The following ADD3 variants were observed in gnomAD, a reference collection of about 807,000 sequenced individuals.
The protein encoded by ADD3 is adducin 3.
Under a neutral mutation model 80.2 loss-of-function variants are expected in ADD3, and 25 were observed. The observed-to-expected ratio is 0.31, with a 90% CI of 0.23 to 0.44. The LOEUF (loss-of-function observed/expected upper bound fraction) is 0.44, where lower values mean the gene tolerates loss of function less well. Ranked by LOEUF, ADD3 falls within the 20% of genes least tolerant of loss-of-function variation. The probability of loss-of-function intolerance (pLI) is 1.00; values close to 1 mark genes in which losing one functional copy is unlikely to be tolerated. For synonymous variants in ADD3, 284 were observed against 289.6 expected, an observed-to-expected ratio of 0.98 and a Z score of 0.20; for missense variants, 829 against 847.5, an observed-to-expected ratio of 0.98 and a Z score of 0.27.
intron 7 of ADD3, 27 bp from the exon 8 acceptor site, chr10:110,119,439 G>A (rs1389723745): frequency 1.9e-6 from 3 of 1,613,358 alleles, no homozygotes; most frequent in African/African-American, 2.7e-5. Flanking sequence ...GTTATTTCAA[G>A]TGATTGCTGT....
intron 1 of ADD3, among the ~76,000 whole-genome samples, chr10:110,020,280 A>G (rs1411962231): frequency 1.3e-5 from 2 of 152,182 alleles, no homozygotes; most frequent in African/African-American, 4.8e-5. Flanking sequence ...CTCCTGCCCT[A>G]ATGCAGTTTA....
chr10:110,024,748 A>G (rs1175335905), intron 1 of ADD3, among the ~76,000 whole-genome samples: 8 of 152,222 alleles, frequency 5.3e-5, no homozygotes, highest in African/African-American at 1.7e-4. Context: ...AGCAAGAATG[A>G]TTTTATTGGT....
chr10:110,098,101 A>T (rs1414974411), intron 1 of ADD3, among the ~76,000 whole-genome samples: 1 of 152,136 alleles, frequency 6.6e-6, no homozygotes, highest in African/African-American at 2.4e-5. Context: ...TGACCTTGAC[A>T]TGATTGAAGA....
At chr10:110,110,510 G>T (rs1849882407) in intron 2 of ADD3, among the ~76,000 whole-genome samples, 1 of 152,104 alleles carries the variant, frequency 6.6e-6, no homozygotes. Context: ...GCTAAGCTCG[G>T]TCCTTTATGG....
intron 1 of ADD3, among the ~76,000 whole-genome samples, chr10:110,000,797 G>A (rs974414796): frequency 2.6e-5 from 4 of 152,136 alleles, no homozygotes; most frequent in African/African-American, 9.7e-5. Context: ...TCCTTAATCT[G>A]TACAATGAAG....
rs186146368 is a variant in ADD3 at position 110,092,563 on chromosome 10, A to G, written c.-29-8062A>G. Among the ~76,000 whole-genome samples the G allele has an allele frequency of 3.9e-5, 6 of 152,236 alleles. No homozygotes were observed. In the East Asian group the frequency reaches 1.2e-3, roughly 29 times the overall value. On this transcript the variant is annotated intron_variant, in intron 1 of 14. Transcript: ENST00000356080. Reference sequence around the variant, plus strand: ...GGTGGGAACAATAGACACCCGGTCTACTTGAGTGGGGAAGGTAGCAGGAGG... The same window carrying G: ...GGTGGGAACAATAGACACCCGGTCTGCTTGAGTGGGGAAGGTAGCAGGAGG...
At chr10:110,115,296 G>T (rs1850583298) in intron 3 of ADD3, among the ~76,000 whole-genome samples, 1 of 152,150 alleles carries the variant, frequency 6.6e-6, no homozygotes, top group African/African-American at 2.4e-5. Context: ...GCTGAGGCGG[G>T]AGAATCGCTT....
At chr10:110,125,265 GT>G (rs1344339180) in intron 10 of ADD3, among the ~76,000 whole-genome samples, 2 of 152,058 alleles carry the variant, frequency 1.3e-5, no homozygotes, top group African/African-American at 4.8e-5. Context: ...ATAATATGGG[GT>G]AAATGAGAAG....
chr10:110,076,576 AAGAGGTAATTTGTGTTCATGGTCAGGAC>A (rs1381311852), intron 1 of ADD3, among the ~76,000 whole-genome samples: 2 of 152,180 alleles, frequency 1.3e-5, no homozygotes, highest in African/African-American at 4.8e-5. Flanking sequence ...TGAGGAGAGA[AAGAGGTAATTTGTGTTCATGGTCAGGAC>A]CTCCAGAAAC....
intron 1 of ADD3, among the ~76,000 whole-genome samples, chr10:110,087,181 A>C (rs1489732024): frequency 6.6e-6 from 1 of 151,816 alleles, no homozygotes; most frequent in African/African-American, 2.4e-5. Context: ...GGCGCCCACC[A>C]CCACGCCCAG....
At chr10:110,124,361 G>C in intron 10 of ADD3, 87 bp downstream of exon 10, 1 of 1,435,080 alleles carries the variant, frequency 7.0e-7, no homozygotes, top group Non-Finnish European at 9.5e-7. Context: ...AAAATATTTG[G>C]AAAGTAAAAT....
At chr10:110,115,365 G>A (rs948208193) in intron 3 of ADD3, among the ~76,000 whole-genome samples, 1 of 151,730 alleles carries the variant, frequency 6.6e-6, no homozygotes, top group African/African-American at 2.4e-5. Flanking sequence ...CTCAAACCTG[G>A]GCAACAAGAG....
intron 1 of ADD3, among the ~76,000 whole-genome samples, chr10:110,079,475 T>A (rs1233602724): frequency 4.7e-5 from 7 of 150,200 alleles, no homozygotes; most frequent in African/African-American, 1.7e-4. Flanking sequence ...TGTGTGTGTG[T>A]GTGTGTGTGT....
At chr10:110,016,376 T>C (rs1852995750) in intron 1 of ADD3, 1 of 152,210 alleles carries the variant, frequency 6.6e-6, no homozygotes, top group South Asian at 2.1e-4. Context: ...AAACACATGA[T>C]GAAGAACTAA....
chr10:110,102,783 T>C (rs935595093), intron 2 of ADD3, among the ~76,000 whole-genome samples: 1 of 152,216 alleles, frequency 6.6e-6, no homozygotes, highest in African/African-American at 2.4e-5. Flanking sequence ...TGAAAAAAAT[T>C]ACTAAACTCC....
At chr10:110,131,864 T>C (rs1242279431) in intron 13 of ADD3, among the ~76,000 whole-genome samples, 1 of 152,258 alleles carries the variant, frequency 6.6e-6, no homozygotes, top group African/African-American at 2.4e-5. Context: ...TATGACCTTA[T>C]GAATTAGCTC....
rs1315133933 is a variant in ADD3, at chr10:110,133,661, C to T, written c.*43C>T. 1 of 1,444,146 alleles carries T rather than the reference C, an allele frequency of 6.9e-7. No individual in the cohort carries two copies. Among genetic ancestry groups the T allele is most frequent in the East Asian group, 2.3e-5 (1 of 43,312 alleles). The allele number at this position is 1,444,146 out of a possible 1,614,324, so 89.5% of individuals were successfully genotyped here. On this transcript the variant is annotated 3_prime_UTR_variant, in exon 15 of 15. Coordinates refer to ENST00000356080, the MANE Select transcript of ADD3 (RefSeq NM_016824.5). ...TTATTATTATAACAATGTGACATTG[C>T]ACATCTAAATACCACATTTAAGTTG...
At chr10:110,115,191 A>AC (rs1850570176) in intron 3 of ADD3, among the ~76,000 whole-genome samples, 2 of 152,026 alleles carry the variant, frequency 1.3e-5, no homozygotes, top group Non-Finnish European at 2.9e-5. Flanking sequence ...GGAGTTCAAG[A>AC]CCACCCTGAC....
At chr10:110,108,471 A>T (rs1849630407) in intron 2 of ADD3, among the ~76,000 whole-genome samples, 1 of 152,290 alleles carries the variant, frequency 6.6e-6, no homozygotes, top group East Asian at 1.9e-4. Flanking sequence ...GGCATTGCCT[A>T]TCTCAGGACT....
Sources: gnomAD v4.1 joint callset for allele counts (sites outside exome capture counted in the v4.1 genomes callset) on GRCh38, gnomAD v4.1.1 for gene constraint, MANE v1.5 for transcripts, NCBI Gene and HGNC (gene_info 2026-07-23, HGNC 2026-07-21) for gene names.